The following TENM2 variants were observed in gnomAD, a reference collection of about 807,000 sequenced individuals.
TENM2 encodes the protein teneurin transmembrane protein 2, also known as teneurin-2.
Under a neutral mutation model 245.2 loss-of-function variants are expected in TENM2, and 52 were observed. The observed-to-expected ratio is 0.21, with a 90% CI of 0.17 to 0.27. TENM2 has a LOEUF of 0.27. Among genes scored for constraint, TENM2 ranks in the 10% least tolerant of loss-of-function variants. TENM2 has a pLI of 1.00. For synonymous variants in TENM2, 1,363 were observed against 1,438.9 expected (o/e 0.95, Z 1.19); for missense variants, 3,046 against 3,666.8 (o/e 0.83, Z 4.37).
At chr5:168,260,032 T>C (rs1768041561) in intron 27 of TENM2, among the ~76,000 whole-genome samples, 1 of 152,230 alleles carries the variant, frequency 6.6e-6, no homozygotes, top group African/African-American at 2.4e-5. Context: ...AAGCTAGATC[T>C]GTCTTACTTG....
intron 3 of TENM2, among the ~76,000 whole-genome samples, chr5:167,876,755 C>T (rs1481651939): frequency 1.3e-5 from 2 of 152,078 alleles, no homozygotes; most frequent in Admixed American, 1.3e-4. Flanking sequence ...TCCTGTAACC[C>T]TTTGCTTGTG....
the TENM2 span, among the ~76,000 whole-genome samples, chr5:167,046,867 C>A: frequency 1.3e-5 from 2 of 151,882 alleles, no homozygotes; most frequent in East Asian, 2.0e-4. Flanking sequence ...CCCCCCACCC[C>A]CCGACAGGCC....
At chr5:167,781,652 A>G (rs998177310) in intron 2 of TENM2, among the ~76,000 whole-genome samples, 1 of 152,212 alleles carries the variant, frequency 6.6e-6, no homozygotes, top group Non-Finnish European at 1.5e-5. Flanking sequence ...AACTCAGGCT[A>G]TAGGCCTCGT....
At position 168,190,580 on chromosome 5, in the gene TENM2, G is replaced by C. The variant is rs759803675; in HGVS notation, c.2780+33G>C. On this transcript the variant is annotated intron_variant, in intron 14 of 28. Coordinates refer to ENST00000518659, the Ensembl canonical transcript of TENM2. Reference sequence around the variant, plus strand: ...CCCTCTGTCCCTGCAAACTCCTGAAGTCTCTGATTTTCTTCCTGTTGGAGC... The same window carrying C: ...CCCTCTGTCCCTGCAAACTCCTGAACTCTCTGATTTTCTTCCTGTTGGAGC... The C allele has an allele frequency of 4.4e-6, 7 of 1,584,944 alleles. No individual in the cohort carries two copies. The South Asian group carries it at 7.9e-5, about 18-fold the overall frequency.
the TENM2 span, among the ~76,000 whole-genome samples, chr5:167,022,341 T>C: frequency 6.6e-6 from 1 of 152,206 alleles, no homozygotes; most frequent in Admixed American, 6.5e-5. Flanking sequence ...CTTGCAAATA[T>C]GTTTCAAATT....
At chr5:167,194,454 G>A in the TENM2 span, among the ~76,000 whole-genome samples, 288 of 152,098 alleles carry the variant, frequency 1.9e-3, 2 homozygotes, top group African/African-American at 6.5e-3. Context: ...CATCTAATGC[G>A]AAATTAACCT....
At chr5:167,074,145 A>G in the TENM2 span, among the ~76,000 whole-genome samples, 5 of 152,254 alleles carry the variant, frequency 3.3e-5, no homozygotes, top group Non-Finnish European at 5.9e-5. Context: ...CATCTGACTT[A>G]GCTAGAACAT....
chr5:167,455,702 T>G (rs548207169), intron 2 of TENM2, among the ~76,000 whole-genome samples: 1 of 152,300 alleles, frequency 6.6e-6, no homozygotes, highest in South Asian at 2.1e-4. Context: ...ATTCTGTGCC[T>G]CCCCAATTCT....
Position 167,971,427 on chromosome 5 carries a change from G to A in TENM2, c.947+18605G>A, listed in dbSNP as rs568045189. Among the ~76,000 whole-genome samples the A allele has an allele frequency of 5.7e-3, 875 of 152,222 alleles. 6 individuals are homozygous for A. Among genetic ancestry groups the A allele is most frequent in the Non-Finnish European group, 0.01 (708 of 68,004 alleles). ...CCAAAACAACTGAGCCCAGCTGGAC[G>A]CGGTGCCTCACACCTGTAATCCCAG... On this transcript the variant is annotated intron_variant, in intron 4 of 28. Coordinates refer to ENST00000518659, the Ensembl canonical transcript of TENM2.
chr5:167,040,454 T>C, the TENM2 span, among the ~76,000 whole-genome samples: 1 of 151,970 alleles, frequency 6.6e-6, no homozygotes, highest in Admixed American at 6.5e-5. Context: ...CAAATCATGA[T>C]ACTAGGTCAG....
chr5:167,569,558 T>C (rs1774141056), intron 2 of TENM2, among the ~76,000 whole-genome samples: 2 of 152,160 alleles, frequency 1.3e-5, no homozygotes, highest in Admixed American at 1.3e-4. Flanking sequence ...ATTTGCTCCT[T>C]GTGTGATGTC....
chr5:167,747,464 C>T (rs2150625917), intron 2 of TENM2, among the ~76,000 whole-genome samples: 1 of 152,314 alleles, frequency 6.6e-6, no homozygotes, highest in South Asian at 2.1e-4. Flanking sequence ...AGAGCCATTT[C>T]TATTCTAAGA....
intron 2 of TENM2, among the ~76,000 whole-genome samples, chr5:167,542,173 G>A (rs1772254020): frequency 6.6e-6 from 1 of 152,098 alleles, no homozygotes; most frequent in Admixed American, 6.6e-5. Context: ...TCACCAGGAG[G>A]TTTTCCCTCC....
chr5:167,182,832 G>A, the TENM2 span, among the ~76,000 whole-genome samples: 1,514 of 152,152 alleles, frequency 1.0e-2, 16 homozygotes, highest in South Asian at 0.022. Context: ...GTGCTCTTTT[G>A]AGTTCAAAAT....
At chr5:168,037,910 C>T (rs537104984) in intron 5 of TENM2, among the ~76,000 whole-genome samples, 1 of 152,328 alleles carries the variant, frequency 6.6e-6, no homozygotes, top group South Asian at 2.1e-4. Flanking sequence ...TTAACAGTAC[C>T]TCTGCCATTC....
At chr5:168,180,717 G>A (rs530156307) in intron 13 of TENM2, among the ~76,000 whole-genome samples, 1 of 152,274 alleles carries the variant, frequency 6.6e-6, no homozygotes, top group East Asian at 1.9e-4. Context: ...CCAACATGGT[G>A]AAACCCTGTC....
At chr5:167,831,825 G>A (rs543391038) in intron 2 of TENM2, among the ~76,000 whole-genome samples, 1 of 152,272 alleles carries the variant, frequency 6.6e-6, no homozygotes, top group South Asian at 2.1e-4. Context: ...GATGAAATGA[G>A]TGAGTGGCTC....
chr5:167,404,902 A>G (rs1236318885), intron 2 of TENM2, among the ~76,000 whole-genome samples: 1 of 152,110 alleles, frequency 6.6e-6, no homozygotes, highest in Non-Finnish European at 1.5e-5. Flanking sequence ...TTATCACCCC[A>G]GGAAGAAATT....
At chr5:168,089,561 T>G (rs12516806) in intron 7 of TENM2, among the ~76,000 whole-genome samples, 16,872 of 152,194 alleles carry the variant, frequency 0.11, 1,243 homozygotes, top group Admixed American at 0.21. Context: ...CTGAACCTGG[T>G]TTCCACTGAA....
Sources: gnomAD v4.1 joint callset for allele counts (sites outside exome capture counted in the v4.1 genomes callset) on GRCh38, gnomAD v4.1.1 for gene constraint, MANE v1.5 for transcripts, NCBI Gene and HGNC (gene_info 2026-07-23, HGNC 2026-07-21) for gene names.